RBM20: variants seen among roughly 807,000 people sequenced by gnomAD.
RBM20 encodes the protein RNA binding motif protein 20.
RBM20 carries 51 observed loss-of-function variants against 110.1 expected under a neutral mutation model. That is an observed-to-expected ratio of 0.46 (90% CI 0.37 to 0.59). The LOEUF (loss-of-function observed/expected upper bound fraction) is 0.59. Among genes scored for constraint, RBM20 ranks in the 20% least tolerant of loss-of-function variants. The pLI is 0.00. For synonymous variants in RBM20, 589 were observed against 618.2 expected (o/e 0.95, Z 0.70); for missense variants, 1,512 against 1,574.9 (o/e 0.96, Z 0.68).
chr10:110,788,213 C>T (rs1172193812), intron 5 of RBM20, among the ~76,000 whole-genome samples: 1 of 152,152 alleles, frequency 6.6e-6, no homozygotes, highest in African/African-American at 2.4e-5. Context: ...CCCCTCTCAC[C>T]TCCCCCTCTC....
At chr10:110,738,437 T>C (rs181236090) in intron 1 of RBM20, among the ~76,000 whole-genome samples, 44 of 152,280 alleles carry the variant, frequency 2.9e-4, no homozygotes, top group African/African-American at 7.7e-4. Flanking sequence ...GCCCTTGTTC[T>C]GGTGGAATGT....
chr10:110,721,050 T>C (rs1843499017), intron 1 of RBM20, among the ~76,000 whole-genome samples: 1 of 152,238 alleles, frequency 6.6e-6, no homozygotes, highest in Admixed American at 6.5e-5. Context: ...CTGGCTTCCT[T>C]ATTTCCTGCA....
At chr10:110,813,026 C>T (rs533184726) in intron 9 of RBM20, 79 bp downstream of exon 9, 24 of 1,020,824 alleles carry the variant, frequency 2.4e-5, no homozygotes, top group African/African-American at 2.1e-4. Context: ...TGAGGATGAA[C>T]GTTTATTGAA....
At chr10:110,724,567 C>G (rs1276362473) in intron 1 of RBM20, among the ~76,000 whole-genome samples, 1 of 152,140 alleles carries the variant, frequency 6.6e-6, no homozygotes, top group Non-Finnish European at 1.5e-5. Context: ...GCATTGACTC[C>G]CTGGCTTCTC....
At chr10:110,672,531 G>T (rs116866679) in intron 1 of RBM20, among the ~76,000 whole-genome samples, 73 of 152,340 alleles carry the variant, frequency 4.8e-4, no homozygotes, top group African/African-American at 1.7e-3. Flanking sequence ...CCCCCGGGGC[G>T]GTGCGCCGCA....
intron 1 of RBM20, among the ~76,000 whole-genome samples, chr10:110,746,911 T>C (rs7082969): frequency 0.014 from 2,184 of 152,360 alleles, 61 homozygotes; most frequent in Admixed American, 0.065. Context: ...GATTTCATCC[T>C]AGTGATGTAA....
chr10:110,742,165 T>C (rs936582263), intron 1 of RBM20, among the ~76,000 whole-genome samples: 3 of 152,196 alleles, frequency 2.0e-5, no homozygotes, highest in Non-Finnish European at 4.4e-5. Context: ...CCTGACCTGA[T>C]GTTCTGCGAT....
intron 12 of RBM20, among the ~76,000 whole-genome samples, 153 bp downstream of exon 12, chr10:110,823,767 C>T (rs1844947887): frequency 1.3e-5 from 2 of 152,106 alleles, no homozygotes; most frequent in Admixed American, 1.3e-4. Context: ...ACCCAGGCTG[C>T]AGTGCAGTGG....
rs1022708483 is a variant in RBM20 at position 110,692,885 on chromosome 10, T to A, written c.191+48240T>A. Among the ~76,000 whole-genome samples, 6 of 152,140 alleles carry A rather than the reference T, an allele frequency of 3.9e-5. No homozygotes were observed. In the South Asian group the frequency reaches 6.2e-4, roughly 16 times the overall value. On this transcript the variant is annotated intron_variant, in intron 1 of 13. Transcript: ENST00000369519. ...TTTTGTTTTACCATTGAGTATGATG[T>A]TAGCTGTAGGTTTGTTGTATCTAAC...
At chr10:110,754,830 G>A (rs1057131890) in intron 1 of RBM20, among the ~76,000 whole-genome samples, 4 of 152,178 alleles carry the variant, frequency 2.6e-5, no homozygotes, top group Non-Finnish European at 5.9e-5. Context: ...GCTCTCTGCT[G>A]TTTATGCTGG....
chr10:110,818,795 G>C (rs375489878), intron 9 of RBM20, among the ~76,000 whole-genome samples: 45 of 152,332 alleles, frequency 3.0e-4, no homozygotes, highest in African/African-American at 1.0e-3. Context: ...ACAAGAGAGG[G>C]CCATGGATAG....
intron 1 of RBM20, among the ~76,000 whole-genome samples, chr10:110,699,735 A>G (rs1862729285): frequency 6.6e-6 from 1 of 151,984 alleles, no homozygotes; most frequent in Non-Finnish European, 1.5e-5. Context: ...TGCAAATAGT[A>G]CTGAACCCTA....
chr10:110,804,052 GCT>G (rs1350730417), intron 7 of RBM20, among the ~76,000 whole-genome samples: 3 of 152,116 alleles, frequency 2.0e-5, no homozygotes, highest in Non-Finnish European at 2.9e-5. Context: ...GACCTCAGCA[GCT>G]CTTTCTCCCC....
intron 13 of RBM20, chr10:110,835,654 A>G (rs1481489775): frequency 3.7e-5 from 16 of 429,698 alleles, no homozygotes; most frequent in African/African-American, 6.2e-5. Flanking sequence ...TACATTTTCT[A>G]CAGGAGACAT....
chr10:110,778,071 C>T (rs1040098542), intron 1 of RBM20, among the ~76,000 whole-genome samples: 4 of 152,224 alleles, frequency 2.6e-5, no homozygotes, highest in African/African-American at 7.2e-5. Context: ...ATTGGTCGCT[C>T]CCCATTCTGC....
intron 1 of RBM20, among the ~76,000 whole-genome samples, chr10:110,647,968 C>T (rs1283068818): frequency 2.0e-5 from 3 of 152,076 alleles, no homozygotes; most frequent in African/African-American, 7.2e-5. Flanking sequence ...ACACGTGCAC[C>T]CCTCTTATGA....
intron 6 of RBM20, among the ~76,000 whole-genome samples, chr10:110,799,283 T>A (rs1440498893): frequency 1.3e-5 from 2 of 152,126 alleles, no homozygotes; most frequent in Non-Finnish European, 2.9e-5. Flanking sequence ...CTCAGAGGTA[T>A]TCCATGGCAT....
chr10:110,666,077 G>A (rs566625383), intron 1 of RBM20, among the ~76,000 whole-genome samples: 4 of 152,168 alleles, frequency 2.6e-5, no homozygotes, highest in African/African-American at 9.6e-5. Context: ...GTATACTAAA[G>A]TATAGATTAA....
At chr10:110,682,682 T>C (rs1862440558) in intron 1 of RBM20, among the ~76,000 whole-genome samples, 1 of 152,240 alleles carries the variant, frequency 6.6e-6, no homozygotes, top group South Asian at 2.1e-4. Context: ...TGTGCCCTTC[T>C]CAGAGCATCA....
Sources: allele counts gnomAD v4.1 joint callset (sites outside exome capture counted in the v4.1 genomes callset), GRCh38; gene constraint gnomAD v4.1.1; transcripts MANE v1.5; gene names NCBI Gene and HGNC (gene_info 2026-07-23, HGNC 2026-07-21).